Variants in PAX8 observed in about 807,000 individuals in gnomAD.
PAX8 encodes the protein paired box protein Pax-8.
Under a neutral mutation model 52.4 loss-of-function variants are expected in PAX8, and 15 were observed. The ratio of observed to expected loss-of-function variants is 0.29; its 90% CI spans 0.19 to 0.44. The LOEUF is 0.44. Ranked by LOEUF, PAX8 falls within the 20% of genes least tolerant of loss-of-function variation. The pLI is 1.00. For synonymous variants in PAX8, 284 were observed against 249.7 expected (o/e 1.14, Z -1.29); for missense variants, 554 against 602.5 (o/e 0.92, Z 0.84).
intron 2 of PAX8, among the ~76,000 whole-genome samples, chr2:113,251,615 G>A (rs575544539): frequency 4.3e-4 from 66 of 152,284 alleles, no homozygotes; most frequent in African/African-American, 1.6e-3. Context: ...CAAAGGTCTA[G>A]GTGAAGCTTG....
At chr2:113,219,025 G>A (rs1378255793) in intron 11 of PAX8, among the ~76,000 whole-genome samples, 1 of 152,166 alleles carries the variant, frequency 6.6e-6, no homozygotes, top group South Asian at 2.1e-4. Flanking sequence ...ACTGCTGAGG[G>A]GTCAAAGGGG....
chr2:113,219,844 A>G (rs1689177838), intron 11 of PAX8, among the ~76,000 whole-genome samples: 1 of 152,190 alleles, frequency 6.6e-6, no homozygotes, highest in South Asian at 2.1e-4. Flanking sequence ...ACAAAGATTT[A>G]AAAGACATGG....
At position 113,241,739 on chromosome 2, in the gene PAX8, G is replaced by A. The variant is rs776492155; in HGVS notation, c.602-13C>T. ...CTATCCTGATCACCTGGTACCCCCC[G>A]GGAAGGAAGAAAGCTTTTAGGGGAC... On this transcript the variant is annotated splice_polypyrimidine_tract_variant and intron_variant, in intron 6 of 11. Coordinates refer to ENST00000429538, the MANE Select transcript of PAX8 (RefSeq NM_003466.4). The A allele has an allele frequency of 1.8e-5, 29 of 1,613,598 alleles. No individual in the cohort carries two copies. In the East Asian group the frequency reaches 2.9e-4, roughly 16 times the overall value.
rs141843133 is a variant in PAX8, at chr2:113,261,778, C to T, written c.26-14859G>A. Among the ~76,000 whole-genome samples, 753 of 151,202 alleles carry T rather than the reference C, an allele frequency of 5.0e-3. 8 individuals are homozygous for T. The highest frequency in any genetic ancestry group is 0.024 in the Admixed American group (366 of 15,222). On this transcript the variant is annotated intron_variant, in intron 2 of 11. Transcript: ENST00000429538. ...GAGTGGAGGAAGAAAGTGAGGTTTGCGCAGAACATGTCCTGAAGCAAGTCA... is the reference window on the plus strand; with the variant it reads ...GAGTGGAGGAAGAAAGTGAGGTTTGTGCAGAACATGTCCTGAAGCAAGTCA...
chr2:113,267,018 G>A (rs1693115480), intron 2 of PAX8: 1 of 152,278 alleles, frequency 6.6e-6, no homozygotes. Context: ...CAAGCTCGGT[G>A]TTGTGCATGC....
chr2:113,254,519 A>G (rs2121245), intron 2 of PAX8, among the ~76,000 whole-genome samples: 44,827 of 151,982 alleles, frequency 0.29, 7,130 homozygotes, highest in African/African-American at 0.42. Flanking sequence ...TCCACATCCA[A>G]CCTTGCTCAA....
chr2:113,253,338 C>A (rs1352862535), intron 2 of PAX8, among the ~76,000 whole-genome samples: 1 of 152,080 alleles, frequency 6.6e-6, no homozygotes, highest in Non-Finnish European at 1.5e-5. Flanking sequence ...TCCCAGGTAA[C>A]CCCAGTCAGG....
intron 9 of PAX8, among the ~76,000 whole-genome samples, chr2:113,233,802 G>C (rs1188915205): frequency 6.6e-6 from 1 of 152,182 alleles, no homozygotes; most frequent in African/African-American, 2.4e-5. Context: ...GGCTTTCTAG[G>C]GGCAGGGACC....
rs199820445 is a variant in PAX8, at chr2:113,227,194, C to T, written c.1150G>A (p.Gly384Ser). 188 of 1,609,132 alleles carry T rather than the reference C, an allele frequency of 1.2e-4. No individual in the cohort carries two copies. Among genetic ancestry groups the T allele is most frequent in the African/African-American group, 2.7e-5 (2 of 74,884 alleles). The change falls in exon 10 of 12, where the codon GGC becomes AGC. Residue 384 changes from glycine (G) to serine (S), a missense_variant. This residue lies in a region of PAX8 where 445 missense variants were observed against 409.9 expected (regional missense o/e 1.09). Coordinates refer to ENST00000429538, the MANE Select transcript of PAX8 (RefSeq NM_003466.4). The part of the protein sequence containing the change: ...YPPHIPTSGQ[G>S]SYASSAIAGM... Reference sequence around the variant, plus strand: ...GCGATGGCAGAGGAGGCATAGCTGCCCTGTCCGCTGGTGGGGATGTGGGGT... The same window carrying T: ...GCGATGGCAGAGGAGGCATAGCTGCTCTGTCCGCTGGTGGGGATGTGGGGT...
chr2:113,269,014 A>C (rs1224838790), intron 2 of PAX8: 1 of 152,244 alleles, frequency 6.6e-6, no homozygotes, highest in African/African-American at 2.4e-5. Context: ...CCATGTCCCC[A>C]GGGAATATGG....
At chr2:113,244,969 G>C in intron 3 of PAX8, among the ~76,000 whole-genome samples, 1 of 152,088 alleles carries the variant, frequency 6.6e-6, no homozygotes, top group Non-Finnish European at 1.5e-5. Flanking sequence ...TGGTGTGCCT[G>C]ATGTGTGAAT....
rs754022835 is a variant in PAX8, at chr2:113,242,078, G to A, written c.531C>T (p.Gly177=). ...GGAGCCCATTGATGGAGTAGGTGGAGCCCAGGGAATCCGACTGGGGTGACT... is the reference window on the plus strand; with the variant it reads ...GGAGCCCATTGATGGAGTAGGTGGAACCCAGGGAATCCGACTGGGGTGACT... ...PPESPQSDSL[G]STYSINGLLG... Residue 177 remains glycine, a synonymous_variant, in exon 6 of 12, where the codon GGC becomes GGT. Transcript: ENST00000429538. 26 of 1,613,464 alleles carry A rather than the reference G, an allele frequency of 1.6e-5. No homozygotes were observed. The highest frequency in any genetic ancestry group is 2.1e-5 in the Non-Finnish European group (25 of 1,179,616).
At chr2:113,269,177 G>T (rs1326706880) in intron 2 of PAX8, 1 of 152,300 alleles carries the variant, frequency 6.6e-6, no homozygotes, top group Admixed American at 6.5e-5. Flanking sequence ...TTTGGCAGAA[G>T]TATCTCCATG....
intron 5 of PAX8, 142 bp from the exon 6 acceptor site, chr2:113,242,272 C>G: frequency 1.5e-6 from 1 of 681,506 alleles, no homozygotes; most frequent in Non-Finnish European, 2.5e-6. Flanking sequence ...ACACCCCTTA[C>G]AGCCCTGGGG....
At chr2:113,278,297 C>T in intron 2 of PAX8, 73 bp downstream of exon 2, 2 of 1,242,004 alleles carry the variant, frequency 1.6e-6, no homozygotes, top group Non-Finnish European at 2.4e-6. Context: ...TCTCGAGATC[C>T]AACCACCCGA....
In PAX8 at chr2:113,247,059, C is replaced by G. The variant is rs1691384702; in HGVS notation, c.26-140G>C. The G allele has an allele frequency of 3.9e-6, 3 of 765,694 alleles. No individual in the cohort carries two copies. In the Admixed American group the frequency reaches 6.1e-5, roughly 16 times the overall value. 47.4% of individuals were successfully genotyped at this position (765,694 alleles called of 1,614,324 possible). A position where few individuals can be genotyped will look rare whatever the true frequency, so the allele number is the denominator to read the frequency against. On this transcript the variant is annotated intron_variant, in intron 2 of 11. Coordinates refer to ENST00000429538, the MANE Select transcript of PAX8 (RefSeq NM_003466.4). The stretch of plus-strand genomic sequence containing the variant: ...ATCCCACGGCCAGGCCCTGTGGGCC[C>G]CTCTGCACCCCTTCCCCAGTTCTCA...
chr2:113,277,606 G>T (rs1693913925), intron 2 of PAX8, among the ~76,000 whole-genome samples: 1 of 152,196 alleles, frequency 6.6e-6, no homozygotes, highest in Admixed American at 6.5e-5. Context: ...GCTGCGCGCC[G>T]GGACGGCTGC....
chr2:113,269,511 C>T (rs1211699458), intron 2 of PAX8: 1 of 152,244 alleles, frequency 6.6e-6, no homozygotes, highest in Non-Finnish European at 1.5e-5. Flanking sequence ...GACTCCAGCT[C>T]CCTGCCCTGT....
At chr2:113,229,827 G>A (rs1689785285) in intron 9 of PAX8, among the ~76,000 whole-genome samples, 1 of 152,192 alleles carries the variant, frequency 6.6e-6, no homozygotes, top group Admixed American at 6.5e-5. Flanking sequence ...GTCTGTGAGA[G>A]CAGGAGGAGC....
Sources: allele counts gnomAD v4.1 joint callset (sites outside exome capture counted in the v4.1 genomes callset), GRCh38; gene constraint gnomAD v4.1.1; regional missense constraint gnomAD v4.1.1; transcripts MANE v1.5; gene names NCBI Gene and HGNC (gene_info 2026-07-23, HGNC 2026-07-21).